SAMTOR: variants seen among roughly 807,000 people sequenced by gnomAD.
SAMTOR encodes S-adenosylmethionine sensor upstream of mTORC1, also known as UPF0532 protein C7orf60.
chr7:112,923,413 C>T, the SAMTOR span, among the ~76,000 whole-genome samples: 2 of 151,996 alleles, frequency 1.3e-5, no homozygotes, highest in African/African-American at 4.8e-5. Flanking sequence ...GACCTTCCCT[C>T]CACTATTGTC....
the SAMTOR span, among the ~76,000 whole-genome samples, chr7:112,880,899 G>C: frequency 1.1e-4 from 16 of 152,170 alleles, no homozygotes; most frequent in African/African-American, 3.9e-4. Context: ...AGCAGGGGAG[G>C]TGTGGCCAGA....
the SAMTOR span, among the ~76,000 whole-genome samples, chr7:112,928,761 T>C: frequency 2.0e-5 from 3 of 151,950 alleles, no homozygotes; most frequent in East Asian, 5.8e-4. Context: ...AGAAAAGCAA[T>C]AATTTCAATG....
the SAMTOR span, among the ~76,000 whole-genome samples, chr7:112,868,938 C>T: frequency 6.6e-6 from 1 of 152,232 alleles, no homozygotes; most frequent in Non-Finnish European, 1.5e-5. Flanking sequence ...GCTGGGTGTC[C>T]CGGGCTGCTT....
At chr7:112,871,977 C>T in the SAMTOR span, among the ~76,000 whole-genome samples, 45 of 152,090 alleles carry the variant, frequency 3.0e-4, 1 homozygote, top group South Asian at 3.1e-3. Flanking sequence ...CAATGTGTTC[C>T]GAAATTGAAT....
the SAMTOR span, among the ~76,000 whole-genome samples, chr7:112,852,638 C>T: frequency 6.6e-6 from 1 of 151,896 alleles, no homozygotes; most frequent in African/African-American, 2.4e-5. Context: ...TTGGTCAGCC[C>T]TTGACAGAAT....
the SAMTOR span, among the ~76,000 whole-genome samples, chr7:112,868,647 AAGTC>A: frequency 1.3e-5 from 2 of 152,338 alleles, no homozygotes; most frequent in African/African-American, 4.8e-5. Context: ...GGCTCACACA[AAGTC>A]AGTCACTGTT....
At chr7:112,821,668 G>C in the SAMTOR span, 1 of 1,388,278 alleles carries the variant, frequency 7.2e-7, no homozygotes, top group Non-Finnish European at 9.8e-7. Context: ...TCAGTACTGA[G>C]TTCATGTTAG....
chr7:112,939,777 C>T, the SAMTOR span: 1 of 1,547,092 alleles, frequency 6.5e-7, no homozygotes, highest in Non-Finnish European at 8.8e-7. Context: ...CCGCCGCCGC[C>T]CCTCAGGCCC....
chr7:112,915,639 TAAA>T, the SAMTOR span, among the ~76,000 whole-genome samples: 1 of 152,094 alleles, frequency 6.6e-6, no homozygotes, highest in Non-Finnish European at 1.5e-5. Flanking sequence ...TAAATAAAAA[TAAA>T]AATGTTTAAA....
the SAMTOR span, among the ~76,000 whole-genome samples, chr7:112,852,456 A>G: frequency 1.3e-5 from 2 of 152,000 alleles, no homozygotes; most frequent in Admixed American, 1.3e-4. Flanking sequence ...AATAATAGAC[A>G]TTGGAGAATC....
At chr7:112,919,669 T>C in the SAMTOR span, among the ~76,000 whole-genome samples, 1 of 151,970 alleles carries the variant, frequency 6.6e-6, no homozygotes, top group Admixed American at 6.6e-5. Context: ...AGCTGGTTTT[T>C]TGAAAGGATC....
the SAMTOR span, among the ~76,000 whole-genome samples, chr7:112,865,189 C>CCCGA: frequency 6.6e-6 from 1 of 152,142 alleles, no homozygotes; most frequent in Non-Finnish European, 1.5e-5. Flanking sequence ...GTGGCTTATG[C>CCCGA]CTTAAACCCA....
At chr7:112,904,672 T>G in the SAMTOR span, among the ~76,000 whole-genome samples, 8 of 152,254 alleles carry the variant, frequency 5.3e-5, no homozygotes, top group South Asian at 1.7e-3. Context: ...ACACAAAAAC[T>G]TGTGCAACTT....
chr7:112,824,641 A>T, the SAMTOR span, among the ~76,000 whole-genome samples: 4 of 152,096 alleles, frequency 2.6e-5, no homozygotes, highest in Non-Finnish European at 5.9e-5. Context: ...GATTACAGGC[A>T]TGATCCACCA....
the SAMTOR span, among the ~76,000 whole-genome samples, chr7:112,827,838 G>A: frequency 6.6e-6 from 1 of 152,044 alleles, no homozygotes; most frequent in African/African-American, 2.4e-5. Flanking sequence ...CCTCCCATCT[G>A]TCTCCTGAGC....
At chr7:112,907,199 CTT>C in the SAMTOR span, among the ~76,000 whole-genome samples, 1 of 151,992 alleles carries the variant, frequency 6.6e-6, no homozygotes, top group Non-Finnish European at 1.5e-5. Flanking sequence ...TATGGGAAAA[CTT>C]AGTACATCAT....
At chr7:112,903,167 G>C in the SAMTOR span, among the ~76,000 whole-genome samples, 1 of 152,074 alleles carries the variant, frequency 6.6e-6, no homozygotes, top group African/African-American at 2.4e-5. Context: ...ATAAAAATTA[G>C]CTGGGTGTAG....
the SAMTOR span, among the ~76,000 whole-genome samples, chr7:112,901,937 C>G: frequency 2.0e-5 from 3 of 152,070 alleles, no homozygotes; most frequent in Admixed American, 6.5e-5. Flanking sequence ...ATCTAGACAA[C>G]AGAGTATTAT....
chr7:112,832,792 G>T, the SAMTOR span: 1 of 615,950 alleles, frequency 1.6e-6, no homozygotes, highest in Non-Finnish European at 2.9e-6. Context: ...AAAAATTACT[G>T]ACGGCCCCAA....
Sources: allele counts gnomAD v4.1 joint callset (sites outside exome capture counted in the v4.1 genomes callset), GRCh38; gene constraint gnomAD v4.1.1; transcripts MANE v1.5; gene names NCBI Gene and HGNC (gene_info 2026-07-23, HGNC 2026-07-21).